Variants in SLC16A10 observed in about 807,000 individuals in gnomAD.
The protein encoded by SLC16A10 is monocarboxylate transporter 10.
Under a neutral mutation model 40.0 loss-of-function variants are expected in SLC16A10, and 27 were observed. The observed-to-expected ratio is 0.67, with a 90% CI of 0.50 to 0.93. The LOEUF is 0.93. SLC16A10 is among the 40% of genes least tolerant of loss of function. The pLI is 0.00. For synonymous variants in SLC16A10, 213 were observed against 249.8 expected (o/e 0.85, Z 1.39); for missense variants, 529 against 658.2 (o/e 0.80, Z 2.15).
intron 1 of SLC16A10, among the ~76,000 whole-genome samples, chr6:111,090,485 A>G (rs539766066): frequency 6.6e-6 from 1 of 152,348 alleles, no homozygotes; most frequent in East Asian, 1.9e-4. Context: ...GGTAATACAT[A>G]TATGACTGAT....
At chr6:111,195,179 TAC>T (rs1278107834) in intron 3 of SLC16A10, among the ~76,000 whole-genome samples, 24 of 152,306 alleles carry the variant, frequency 1.6e-4, no homozygotes, top group African/African-American at 5.8e-4. Flanking sequence ...TCCCACTCGT[TAC>T]AGAAAGGAGA....
intron 1 of SLC16A10, among the ~76,000 whole-genome samples, chr6:111,143,051 C>T (rs921996273): frequency 6.6e-6 from 1 of 152,158 alleles, no homozygotes. Context: ...AATGAGGTAT[C>T]AAGCTATGAA....
At chr6:111,098,741 G>T (rs1013446867) in intron 1 of SLC16A10, among the ~76,000 whole-genome samples, 1 of 152,104 alleles carries the variant, frequency 6.6e-6, no homozygotes, top group African/African-American at 2.4e-5. Context: ...CATCTCAAAG[G>T]GTTCACATTT....
intron 3 of SLC16A10, among the ~76,000 whole-genome samples, chr6:111,205,238 A>G (rs540680211): frequency 6.6e-6 from 1 of 152,336 alleles, no homozygotes; most frequent in African/African-American, 2.4e-5. Flanking sequence ...TTTAAAATGC[A>G]AAATGAGAAG....
chr6:111,150,951 C>T (rs1000430266), intron 1 of SLC16A10, among the ~76,000 whole-genome samples: 3 of 152,172 alleles, frequency 2.0e-5, no homozygotes, highest in East Asian at 3.8e-4. Context: ...AAATTTATAA[C>T]ATCTAAATTT....
At chr6:111,101,189 C>T (rs902475457) in intron 1 of SLC16A10, among the ~76,000 whole-genome samples, 8 of 151,644 alleles carry the variant, frequency 5.3e-5, no homozygotes, top group African/African-American at 7.3e-5. Context: ...TGCCGCTACA[C>T]GTAACTAATT....
chr6:111,176,025 A>T (rs1269220255), intron 2 of SLC16A10, among the ~76,000 whole-genome samples: 1 of 152,126 alleles, frequency 6.6e-6, no homozygotes, highest in African/African-American at 2.4e-5. Flanking sequence ...TCTTTTCCAC[A>T]ATGTATCTGG....
At chr6:111,122,454 C>G (rs1193981554) in intron 1 of SLC16A10, among the ~76,000 whole-genome samples, 1 of 152,152 alleles carries the variant, frequency 6.6e-6, no homozygotes, top group African/African-American at 2.4e-5. Flanking sequence ...CCCACTAGTG[C>G]CCTTTGTTCA....
chr6:111,158,317 C>T (rs1772308974), intron 1 of SLC16A10, among the ~76,000 whole-genome samples: 1 of 152,256 alleles, frequency 6.6e-6, no homozygotes, highest in South Asian at 2.1e-4. Context: ...AGTGATTTTA[C>T]CTCCTGTAGA....
intron 1 of SLC16A10, among the ~76,000 whole-genome samples, chr6:111,166,961 A>T (rs1772484199): frequency 6.6e-6 from 1 of 152,246 alleles, no homozygotes; most frequent in Admixed American, 6.5e-5. Context: ...GAGTTATACA[A>T]GCACATCTTG....
chr6:111,144,296 C>T (rs375351470), intron 1 of SLC16A10, among the ~76,000 whole-genome samples: 27 of 152,280 alleles, frequency 1.8e-4, no homozygotes, highest in Non-Finnish European at 2.8e-4. Context: ...CTCTGCCTCC[C>T]GGGTTCACGC....
At chr6:111,144,245 C>T (rs1469604533) in intron 1 of SLC16A10, among the ~76,000 whole-genome samples, 2 of 152,102 alleles carry the variant, frequency 1.3e-5, no homozygotes, top group African/African-American at 4.8e-5. Context: ...TCTCTGTCCC[C>T]CAGGCTGGAG....
intron 1 of SLC16A10, among the ~76,000 whole-genome samples, chr6:111,110,060 G>T (rs1771359129): frequency 6.6e-6 from 1 of 152,098 alleles, no homozygotes; most frequent in Non-Finnish European, 1.5e-5. Context: ...TAGAGGATTG[G>T]ATGAATAGTG....
chr6:111,214,241 TTAAG>T (rs574728220), intron 4 of SLC16A10, among the ~76,000 whole-genome samples: 76 of 152,344 alleles, frequency 5.0e-4, no homozygotes, highest in African/African-American at 1.8e-3. Flanking sequence ...CACTGGCTTA[TTAAG>T]TGTCAGTGCC....
In SLC16A10 at chr6:111,219,022, C is replaced by T. The variant is rs759918927; in HGVS notation, c.1295C>T (p.Thr432Ile). ...CTCGGATTCATGTCTATACCCATGA[C>T]TGTTGGCCCACCCATTGCAGGTAAA... The part of the protein sequence containing the change: ...FLLGFMSIPM[T>I]VGPPIAGLLR... The change falls in exon 5 of 6, where the codon ACT becomes ATT. Residue 432 changes from threonine to isoleucine, a missense_variant. Coordinates refer to ENST00000368851, the MANE Select transcript of SLC16A10 (RefSeq NM_018593.5). 4 of 1,614,106 alleles carry T rather than the reference C, an allele frequency of 2.5e-6. No homozygotes were observed. Among genetic ancestry groups the T allele is most frequent in the Non-Finnish European group, 3.4e-6 (4 of 1,179,970 alleles).
chr6:111,174,614 G>A (rs1772645139), intron 2 of SLC16A10, among the ~76,000 whole-genome samples: 1 of 151,956 alleles, frequency 6.6e-6, no homozygotes, highest in African/African-American at 2.4e-5. Flanking sequence ...TATTTTAGCA[G>A]CAACATAATA....
chr6:111,183,283 C>T (rs925491550), intron 3 of SLC16A10, among the ~76,000 whole-genome samples: 10 of 152,182 alleles, frequency 6.6e-5, no homozygotes, highest in Admixed American at 2.6e-4. Flanking sequence ...CAAACCGCTC[C>T]TATTACTCCT....
At chr6:111,143,218 T>C (rs1301586860) in intron 1 of SLC16A10, among the ~76,000 whole-genome samples, 1 of 152,058 alleles carries the variant, frequency 6.6e-6, no homozygotes. Context: ...TAGCTGGGAC[T>C]ACAGGTGCAT....
At chr6:111,173,830 T>A (rs140127816) in intron 2 of SLC16A10, among the ~76,000 whole-genome samples, 1 of 152,176 alleles carries the variant, frequency 6.6e-6, no homozygotes, top group South Asian at 2.1e-4. Flanking sequence ...TATATTACAA[T>A]GTAATAATAA....
Sources: allele counts gnomAD v4.1 joint callset (sites outside exome capture counted in the v4.1 genomes callset), GRCh38; gene constraint gnomAD v4.1.1; transcripts MANE v1.5; gene names NCBI Gene and HGNC (gene_info 2026-07-23, HGNC 2026-07-21).